CLSTN2: variants seen among roughly 807,000 people sequenced by gnomAD.
CLSTN2 encodes calsyntenin 2, also known as calsyntenin-2.
CLSTN2 carries 48 observed loss-of-function variants against 101.2 expected under a neutral mutation model. The ratio of observed to expected loss-of-function variants is 0.47; its 90% confidence interval spans 0.38 to 0.60. The LOEUF (loss-of-function observed/expected upper bound fraction) is 0.60. CLSTN2 is among the 20% of genes least tolerant of loss of function. The probability of loss-of-function intolerance (pLI) is 0.00; values close to 1 mark genes in which losing one functional copy is unlikely to be tolerated. For missense variants in CLSTN2, 1,160 were observed against 1,238.2 expected (o/e 0.94, Z 0.95); for synonymous variants, 481 against 463.6 (o/e 1.04, Z -0.48).
At chr3:140,218,609 A>G (rs2086230179) in intron 2 of CLSTN2, among the ~76,000 whole-genome samples, 1 of 152,238 alleles carries the variant, frequency 6.6e-6, no homozygotes, top group South Asian at 2.1e-4. Context: ...ATTTTTACAT[A>G]TCAGCAACTA....
chr3:140,465,928 A>C (rs915886917), intron 7 of CLSTN2, among the ~76,000 whole-genome samples: 1 of 152,202 alleles, frequency 6.6e-6, no homozygotes, highest in African/African-American at 2.4e-5. Flanking sequence ...GTCAAAGAAC[A>C]TTTCCTCTTC....
chr3:140,420,903 G>T (rs999613309), intron 4 of CLSTN2, among the ~76,000 whole-genome samples: 3 of 31,278 alleles, frequency 9.6e-5, no homozygotes, highest in African/African-American at 1.1e-3. Flanking sequence ...GTCCTATTGC[G>T]CAGCTAGGTG....
intron 1 of CLSTN2, among the ~76,000 whole-genome samples, chr3:140,139,627 C>T (rs1466280607): frequency 2.6e-5 from 4 of 152,184 alleles, no homozygotes; most frequent in South Asian, 2.1e-4. Context: ...GGGTGAAAAC[C>T]GCTGCTTCAG....
intron 2 of CLSTN2, among the ~76,000 whole-genome samples, chr3:140,324,779 C>T (rs1035447738): frequency 2.0e-5 from 3 of 152,200 alleles, no homozygotes; most frequent in African/African-American, 7.2e-5. Context: ...AAAATCCTTA[C>T]GTCTCATGCA....
At position 140,202,318 on chromosome 3, in the gene CLSTN2, T is replaced by G. The variant is rs147336181; in HGVS notation, c.232+26245T>G. Among the ~76,000 whole-genome samples, 44 of 152,052 alleles carry G rather than the reference T, an allele frequency of 2.9e-4. No homozygotes were observed. In the East Asian group the frequency reaches 8.3e-3, roughly 29 times the overall value. ...AGTGCCAGTGGCTTATATCAGCAGG[T>G]GAGAAGTAGTGGGATTGTGGGTGGG... On this transcript the variant is annotated intron_variant, in intron 2 of 16. Coordinates refer to ENST00000458420, the MANE Select transcript of CLSTN2 (RefSeq NM_022131.3).
chr3:140,299,362 T>A (rs2087032131), intron 2 of CLSTN2, among the ~76,000 whole-genome samples: 1 of 152,260 alleles, frequency 6.6e-6, no homozygotes, highest in Admixed American at 6.5e-5. Context: ...TCATTTATTA[T>A]TGAAGCTCCA....
chr3:139,978,630 AGGATGGG>A (rs147962239), intron 1 of CLSTN2, among the ~76,000 whole-genome samples: 6 of 143,226 alleles, frequency 4.2e-5, no homozygotes, highest in African/African-American at 8.3e-5. Context: ...CTCTGCTGGG[AGGATGGG>A]GGATGGGGGA....
In CLSTN2 at chr3:140,568,194, C is replaced by T. The variant is rs1310816421; in HGVS notation, c.*1941C>T. On this transcript the variant is annotated 3_prime_UTR_variant, in exon 17 of 17. Transcript: ENST00000458420. ...GCACCTAACAGACACTGCTGCAAACCTACTATGTGCTAAGCATCCTACCAA... is the reference window on the plus strand; with the variant it reads ...GCACCTAACAGACACTGCTGCAAACTTACTATGTGCTAAGCATCCTACCAA... 6.6e-6 allele frequency: 1 copy of T among 152,180 alleles called. No homozygotes were observed. The highest frequency in any genetic ancestry group is 1.5e-5 in the Non-Finnish European group (1 of 68,032). 9.4% of individuals were successfully genotyped at this position (152,180 alleles called of 1,614,324 possible).
At chr3:140,101,626 T>C (rs1397030356) in intron 1 of CLSTN2, among the ~76,000 whole-genome samples, 1 of 152,236 alleles carries the variant, frequency 6.6e-6, no homozygotes, top group East Asian at 1.9e-4. Context: ...CAAATGACCT[T>C]CCAAGTCTCA....
At chr3:140,151,795 T>C (rs1049910646) in intron 1 of CLSTN2, among the ~76,000 whole-genome samples, 3 of 152,244 alleles carry the variant, frequency 2.0e-5, no homozygotes, top group Admixed American at 1.3e-4. Flanking sequence ...CCTACTGTGC[T>C]GCCAGCCCCA....
intron 1 of CLSTN2, among the ~76,000 whole-genome samples, chr3:139,993,048 GA>G (rs922484535): frequency 6.6e-6 from 1 of 152,146 alleles, no homozygotes; most frequent in African/African-American, 2.4e-5. Flanking sequence ...AAAGAGGGCT[GA>G]TTGGTCAATG....
chr3:139,959,611 G>A (rs1935468544), intron 1 of CLSTN2, among the ~76,000 whole-genome samples: 1 of 151,982 alleles, frequency 6.6e-6, no homozygotes. Flanking sequence ...TGTCTCCTGG[G>A]TGATCACCCC....
At chr3:140,226,563 A>G (rs1049085295) in intron 2 of CLSTN2, among the ~76,000 whole-genome samples, 2 of 152,212 alleles carry the variant, frequency 1.3e-5, no homozygotes, top group African/African-American at 4.8e-5. Context: ...ATTTTTCTCC[A>G]TATTTGAAAT....
intron 2 of CLSTN2, among the ~76,000 whole-genome samples, chr3:140,228,883 C>T (rs1308962466): frequency 1.3e-5 from 2 of 152,140 alleles, no homozygotes; most frequent in Non-Finnish European, 2.9e-5. Context: ...CCCACTGGGT[C>T]CCTCCCACAA....
chr3:140,402,261 G>A (rs2088250941), intron 2 of CLSTN2, among the ~76,000 whole-genome samples: 1 of 152,148 alleles, frequency 6.6e-6, no homozygotes, highest in African/African-American at 2.4e-5. Context: ...TCCATGGAGT[G>A]GTTCCTTAGA....
At chr3:140,032,640 A>G (rs764933832) in intron 1 of CLSTN2, among the ~76,000 whole-genome samples, 3 of 152,154 alleles carry the variant, frequency 2.0e-5, no homozygotes, top group Non-Finnish European at 4.4e-5. Context: ...CCCAGCCACA[A>G]GTACTTTTTT....
At chr3:140,214,363 A>G (rs1476538116) in intron 2 of CLSTN2, among the ~76,000 whole-genome samples, 1 of 152,088 alleles carries the variant, frequency 6.6e-6, no homozygotes, top group Non-Finnish European at 1.5e-5. Flanking sequence ...CTGGGGCAGG[A>G]AAATCGCTTA....
At chr3:140,150,764 A>G (rs1016865282) in intron 1 of CLSTN2, among the ~76,000 whole-genome samples, 2 of 152,026 alleles carry the variant, frequency 1.3e-5, no homozygotes, top group Non-Finnish European at 2.9e-5. Context: ...TTTCACTGAT[A>G]TTGATCCCAA....
intron 2 of CLSTN2, among the ~76,000 whole-genome samples, chr3:140,318,279 C>G (rs2087248303): frequency 6.6e-6 from 1 of 152,088 alleles, no homozygotes; most frequent in Non-Finnish European, 1.5e-5. Context: ...GGGAAGGGAG[C>G]ATGAGCCATG....
Sources: allele counts gnomAD v4.1 joint callset (sites outside exome capture counted in the v4.1 genomes callset), GRCh38; gene constraint gnomAD v4.1.1; transcripts MANE v1.5; gene names NCBI Gene and HGNC (gene_info 2026-07-23, HGNC 2026-07-21).